NTRK3: variants seen among roughly 807,000 people sequenced by gnomAD.
NTRK3 encodes the protein NT-3 growth factor receptor.
Under a neutral mutation model 91.7 loss-of-function variants are expected in NTRK3, and 24 were observed. The observed-to-expected ratio is 0.26, with a 90% confidence interval of 0.19 to 0.37. The LOEUF (loss-of-function observed/expected upper bound fraction) is 0.37, where lower values mean the gene tolerates loss of function less well. Ranked by LOEUF, NTRK3 falls within the 10% of genes least tolerant of loss-of-function variation. The pLI, the probability that NTRK3 is intolerant of heterozygous loss-of-function variation, is 1.00. For synonymous variants in NTRK3, 483 were observed against 404.0 expected, an observed-to-expected ratio of 1.20 and a Z score of -2.34; for missense variants, 880 against 1,068.9, an observed-to-expected ratio of 0.82 and a Z score of 2.46.
chr15:87,947,390 G>A (rs959773027), intron 14 of NTRK3, among the ~76,000 whole-genome samples: 1 of 152,148 alleles, frequency 6.6e-6, no homozygotes, highest in Non-Finnish European at 1.5e-5. Context: ...TTCAGAGAGA[G>A]GCTCTGCTTT....
rs2051911579 is a variant in NTRK3, at chr15:88,237,609, T to A, written c.248+18297A>T. 6.6e-6 allele frequency among the ~76,000 whole-genome samples: 1 copy of A among 152,368 alleles called. No homozygotes were observed. The highest frequency in any genetic ancestry group is 6.5e-5 in the Admixed American group (1 of 15,310). On this transcript the variant is annotated intron_variant, in intron 3 of 18. Transcript: ENST00000394480. The surrounding 1 kb of genome is among the most constrained non-coding windows in gnomAD (Gnocchi z 4.0). ...AAATTTAAAACACAGAACTGTCCTG[T>A]GGACCCTTCTCAGATGTTGCACTTG...
At chr15:88,108,389 C>T (rs965312959) in intron 13 of NTRK3, among the ~76,000 whole-genome samples, 2 of 152,336 alleles carry the variant, frequency 1.3e-5, no homozygotes, top group East Asian at 1.9e-4. Flanking sequence ...ATTTTCCTCA[C>T]TTCTGGCCTC....
chr15:87,907,125 AAATT>A (rs1316059963), intron 17 of NTRK3, among the ~76,000 whole-genome samples: 8 of 152,346 alleles, frequency 5.3e-5, no homozygotes, highest in African/African-American at 1.9e-4. Flanking sequence ...ATGTTTGTTG[AAATT>A]AATTAATAAA....
In NTRK3 at chr15:88,011,785, T is replaced by C. The variant is rs1436854599; in HGVS notation, c.1585+21072A>G. On this transcript the variant is annotated intron_variant, in intron 14 of 18. Transcript: ENST00000394480. Reference sequence around the variant, plus strand: ...GTCAGGGAAAGTCTGCACAGCCAGATACTGCCCCTCCCTTCGCCTGCCACT... The same window carrying C: ...GTCAGGGAAAGTCTGCACAGCCAGACACTGCCCCTCCCTTCGCCTGCCACT... Among the ~76,000 whole-genome samples the C allele has an allele frequency of 2.0e-5, 3 of 152,190 alleles. No individual in the cohort carries two copies. The East Asian group carries it at 5.8e-4, about 29-fold the overall frequency.
chr15:88,045,917 T>C (rs941586742), intron 13 of NTRK3, among the ~76,000 whole-genome samples: 10 of 152,234 alleles, frequency 6.6e-5, no homozygotes, highest in African/African-American at 2.4e-4. Flanking sequence ...CCTGTATCAC[T>C]TCATCTTAAC....
Position 87,999,779 on chromosome 15 carries a change from G to A in NTRK3, c.1585+33078C>T, listed in dbSNP as rs550081611. Reference sequence around the variant, plus strand: ...AGATGGCACTGGGACAGACAATAGAGGCTTACTAAAGAATACAAATGATTC... The same window carrying A: ...AGATGGCACTGGGACAGACAATAGAAGCTTACTAAAGAATACAAATGATTC... On this transcript the variant is annotated intron_variant, in intron 14 of 18. Transcript: ENST00000394480. Among the ~76,000 whole-genome samples, 72 of 152,252 alleles carry A rather than the reference G, an allele frequency of 4.7e-4. 1 individual carries two copies. The South Asian group carries it at 6.2e-3, about 13-fold the overall frequency.
intron 14 of NTRK3, among the ~76,000 whole-genome samples, chr15:87,964,284 C>T (rs1233143585): frequency 6.6e-6 from 1 of 151,822 alleles, no homozygotes; most frequent in Non-Finnish European, 1.5e-5. Flanking sequence ...GGAGTGCTCT[C>T]ATTTTATAGA....
At chr15:88,202,211 G>C (rs2048363768) in intron 3 of NTRK3, among the ~76,000 whole-genome samples, 1 of 152,156 alleles carries the variant, frequency 6.6e-6, no homozygotes, top group African/African-American at 2.4e-5. Context: ...CCAATCCTAA[G>C]CGGGGAGGCA....
chr15:87,864,589 G>A (rs747844621), exon 19 of NTRK3: 1 of 230,522 alleles, frequency 4.3e-6, no homozygotes, highest in Non-Finnish European at 8.6e-6. Context: ...ATCCCCTCCA[G>A]ATTATCAGAA....
chr15:87,860,380 G>A, exon 19 of NTRK3: 1 of 220,408 alleles, frequency 4.5e-6, no homozygotes. Flanking sequence ...GGAAGGGTGA[G>A]ATGAAGAATA....
At chr15:88,153,825 G>A (rs1356933685) in intron 5 of NTRK3, among the ~76,000 whole-genome samples, 1 of 151,822 alleles carries the variant, frequency 6.6e-6, no homozygotes, top group Non-Finnish European at 1.5e-5. Context: ...TCATTCATGA[G>A]GGCTCTGCCC....
chr15:88,090,762 C>T (rs887343483), intron 13 of NTRK3, among the ~76,000 whole-genome samples: 1 of 152,178 alleles, frequency 6.6e-6, no homozygotes, highest in South Asian at 2.1e-4. Flanking sequence ...CTTAATCTCA[C>T]CATATCCTTC....
chr15:87,879,955 A>G (rs2065150969), intron 18 of NTRK3, among the ~76,000 whole-genome samples: 1 of 151,604 alleles, frequency 6.6e-6, no homozygotes, highest in South Asian at 2.1e-4. Flanking sequence ...CAATTGAAAA[A>G]CTCATAGCTG....
intron 13 of NTRK3, among the ~76,000 whole-genome samples, chr15:88,102,872 A>G (rs1049493451): frequency 2.6e-5 from 4 of 152,192 alleles, no homozygotes; most frequent in Non-Finnish European, 5.9e-5. Flanking sequence ...GGCCTGTTGC[A>G]CAAAGGTATA....
At position 88,134,820 on chromosome 15, in the gene NTRK3, A is replaced by C. The variant is rs772545431; in HGVS notation, c.1204+281T>G. On this transcript the variant is annotated intron_variant, in intron 10 of 18. Transcript: ENST00000394480. ...AAGGGCTGGGTCAGAATTCTCTACC[A>C]TTACTGTCTCTGCTTTCTCTACTAT... 1.2e-4 allele frequency among the ~76,000 whole-genome samples: 19 copies of C among 152,218 alleles called. No individual in the cohort carries two copies. In the East Asian group the frequency reaches 1.9e-3, roughly 15 times the overall value.
At chr15:88,019,710 G>T (rs1171045290) in intron 14 of NTRK3, among the ~76,000 whole-genome samples, 1 of 152,198 alleles carries the variant, frequency 6.6e-6, no homozygotes, top group Non-Finnish European at 1.5e-5. Context: ...AGCCATGAGA[G>T]AAGTTAACCT....
chr15:88,215,923 A>AG (rs1325936878), intron 3 of NTRK3, among the ~76,000 whole-genome samples: 1 of 152,214 alleles, frequency 6.6e-6, no homozygotes, highest in Non-Finnish European at 1.5e-5. Context: ...CTGGAAAAAA[A>AG]CAATTCTGAA....
chr15:88,202,869 T>C, intron 3 of NTRK3, among the ~76,000 whole-genome samples: 1 of 152,160 alleles, frequency 6.6e-6, no homozygotes, highest in Non-Finnish European at 1.5e-5. Context: ...GCTGATTCCC[T>C]AGGAAGTAAA....
intron 13 of NTRK3, among the ~76,000 whole-genome samples, chr15:88,064,535 G>C (rs973467915): frequency 6.6e-6 from 1 of 152,022 alleles, no homozygotes; most frequent in African/African-American, 2.4e-5. Context: ...CCTTTTCACA[G>C]ATCATGACAC....
Sources: allele counts gnomAD v4.1 joint callset (sites outside exome capture counted in the v4.1 genomes callset), GRCh38; gene constraint gnomAD v4.1.1; non-coding constraint Gnocchi (gnomAD v3.1); transcripts MANE v1.5; gene names NCBI Gene and HGNC (gene_info 2026-07-23, HGNC 2026-07-21).